The following SETDB1 variants were observed in gnomAD, a reference collection of about 807,000 sequenced individuals.
SETDB1 encodes histone-lysine N-methyltransferase SETDB1.
In SETDB1, 31 loss-of-function variants were observed where a neutral mutation model predicts 137.4. The ratio of observed to expected loss-of-function variants is 0.23; its 90% confidence interval spans 0.17 to 0.30. The LOEUF (loss-of-function observed/expected upper bound fraction) is 0.30. Ranked by LOEUF, SETDB1 falls within the 10% of genes least tolerant of loss-of-function variation. The pLI is 1.00. For missense variants in SETDB1, 1,113 were observed against 1,631.5 expected, an observed-to-expected ratio of 0.68 and a Z score of 5.47; for synonymous variants, 548 against 579.9, an observed-to-expected ratio of 0.95 and a Z score of 0.79.
intron 17 of SETDB1, 124 bp downstream of exon 17, chr1:150,962,282 C>T: frequency 3.4e-6 from 3 of 870,380 alleles, no homozygotes; most frequent in Non-Finnish European, 5.8e-6. Flanking sequence ...GATTCTCCCA[C>T]CTCAGCCTCC....
At position 150,934,637 on chromosome 1, in the gene SETDB1, G is replaced by C. The variant is rs146710001; in HGVS notation, c.412+4519G>C. Among the ~76,000 whole-genome samples, 37 of 152,134 alleles carry C rather than the reference G, an allele frequency of 2.4e-4. No individual in the cohort carries two copies. The East Asian group carries it at 5.8e-3, about 24-fold the overall frequency. ...CAGTCTCATGTTTAAAGAAGGTAAG[G>C]GAAGAAAAGAAAAATATGTATTTAC... is the stretch of plus-strand genomic sequence containing the variant. On this transcript the variant is annotated intron_variant, in intron 3 of 21. Transcript: ENST00000692827.
intron 14 of SETDB1, among the ~76,000 whole-genome samples, chr1:150,957,818 C>G (rs1031347543): frequency 6.6e-6 from 1 of 152,116 alleles, no homozygotes; most frequent in African/African-American, 2.4e-5. Flanking sequence ...ATCTTCTCAC[C>G]TCAGCATCCT....
Position 150,927,856 on chromosome 1 carries a change from C to T in SETDB1, c.142C>T (p.Leu48=). 5.0e-6 allele frequency: 8 copies of T among 1,614,126 alleles called. No individual in the cohort carries two copies. The highest frequency in any genetic ancestry group is 5.9e-6 in the Non-Finnish European group (7 of 1,180,030). The change falls in exon 2 of 22, where the codon CTG becomes TTG. Residue 48 remains leucine, a synonymous_variant. Transcript: ENST00000692827. The part of the protein sequence containing the change: ...EELRHFIDEE[L]EKMDCVQQRK... ...ACTTCGGCATTTCATCGATGAGGAA[C>T]TGGAGAAGATGGATTGTGTACAGCA...
rs370008392 is a variant in SETDB1 at position 150,926,783 on chromosome 1, T to C, written c.-12+266T>C. 22 of 533,348 alleles carry C rather than the reference T, an allele frequency of 4.1e-5. No homozygotes were observed. The African/African-American group carries it at 4.2e-4, about 10-fold the overall frequency. 33.0% of individuals were successfully genotyped at this position (533,348 alleles called of 1,614,324 possible). A position where few individuals can be genotyped will look rare whatever the true frequency, so the allele number is the denominator to read the frequency against. On this transcript the variant is annotated intron_variant, in intron 1 of 21. Transcript: ENST00000692827. ...TAAAAAAGCAGTTCACACGAATGTG[T>C]GAAGTATTTGGATTGTGGATATTAG...
chr1:150,933,679 A>G (rs1028795268), intron 3 of SETDB1, among the ~76,000 whole-genome samples: 9 of 149,814 alleles, frequency 6.0e-5, no homozygotes, highest in East Asian at 2.0e-4. Flanking sequence ...GCCTAGCCCT[A>G]TTTCTTCTTT....
intron 14 of SETDB1, among the ~76,000 whole-genome samples, chr1:150,952,942 AATGTC>A (rs1670534374): frequency 6.6e-6 from 1 of 152,160 alleles, no homozygotes; most frequent in Admixed American, 6.5e-5. Context: ...TCCAAGTAGA[AATGTC>A]AAGAAGACAC....
chr1:150,949,285 G>GT lies in SETDB1; in HGVS notation c.1424+9dup. 1 of 1,613,202 alleles carries GT rather than the reference G, an allele frequency of 6.2e-7. No homozygotes were observed. The highest frequency in any genetic ancestry group is 8.5e-7 in the Non-Finnish European group (1 of 1,179,568). On this transcript the variant is annotated splice_region_variant and intron_variant, in intron 11 of 21. Transcript: ENST00000692827. ...CCCAAGCAGGTGACAGTGAGTGAGT[G>GT]TTATTCTTTCTTTTTCTTCAGTTTC... is the stretch of plus-strand genomic sequence containing the variant.
intron 14 of SETDB1, among the ~76,000 whole-genome samples, chr1:150,952,852 A>C (rs1571652565): frequency 3.9e-5 from 6 of 152,264 alleles, no homozygotes; most frequent in Admixed American, 3.9e-4. Flanking sequence ...GCACCATTGC[A>C]CTCCAGCCTG....
At chr1:150,930,837 A>G (rs920692554) in intron 3 of SETDB1, among the ~76,000 whole-genome samples, 4 of 152,082 alleles carry the variant, frequency 2.6e-5, no homozygotes, top group East Asian at 3.8e-4. Flanking sequence ...CACCCAGCCA[A>G]TTCCTTAGGT....
chr1:150,938,292 T>C (rs1025469698), intron 3 of SETDB1, among the ~76,000 whole-genome samples: 4 of 152,006 alleles, frequency 2.6e-5, no homozygotes, highest in African/African-American at 9.7e-5. Flanking sequence ...AACCGCATAT[T>C]ACATGATTCT....
In SETDB1 at chr1:150,964,396, T is replaced by C. The variant is rs1411384772; in HGVS notation, c.*32T>C. The C allele has an allele frequency of 6.6e-7, 1 of 1,511,852 alleles. No individual in the cohort carries two copies. Among genetic ancestry groups the C allele is most frequent in the East Asian group, 2.3e-5 (1 of 44,178 alleles). 93.7% of individuals were successfully genotyped at this position (1,511,852 alleles called of 1,614,324 possible). On this transcript the variant is annotated 3_prime_UTR_variant, in exon 22 of 22. Transcript: ENST00000692827. The stretch of plus-strand genomic sequence containing the variant: ...GCCTTCTTCCCAACCCTTCTTGAAC[T>C]GTCGTTTCCTCAGGAACTGGGTCTT...
At chr1:150,938,924 C>T (rs1670038892) in intron 3 of SETDB1, among the ~76,000 whole-genome samples, 2 of 151,024 alleles carry the variant, frequency 1.3e-5, no homozygotes, top group East Asian at 3.9e-4. Flanking sequence ...ACCCGAGAGG[C>T]AGAGGTTGCG....
intron 13 of SETDB1, 136 bp from the exon 14 acceptor site, chr1:150,951,229 G>T (rs1670482439): frequency 8.6e-7 from 1 of 1,162,604 alleles, no homozygotes; most frequent in East Asian, 2.3e-5. Context: ...CTGCTATAAG[G>T]CCTCCATGAA....
intron 1 of SETDB1, 27 bp from the exon 2 acceptor site, chr1:150,927,677 A>G (rs370652734): frequency 2.2e-5 from 36 of 1,601,308 alleles, no homozygotes; most frequent in African/African-American, 2.7e-5. Context: ...AAGGACTCCA[A>G]TTTAATTTGT....
At chr1:150,942,825 A>G (rs587646694) in intron 6 of SETDB1, 27 bp from the exon 7 acceptor site, 1 of 1,611,176 alleles carries the variant, frequency 6.2e-7, no homozygotes, top group East Asian at 2.2e-5. Flanking sequence ...CAGTGTTTAA[A>G]AAGATTTATC....
chr1:150,940,583 A>G (rs1020275254), intron 4 of SETDB1, among the ~76,000 whole-genome samples: 2 of 150,816 alleles, frequency 1.3e-5, no homozygotes, highest in African/African-American at 4.9e-5. Context: ...AAAAAAAAAA[A>G]GAGGCTAGGC....
chr1:150,936,561 A>G (rs1260528311), intron 3 of SETDB1, among the ~76,000 whole-genome samples: 3 of 152,188 alleles, frequency 2.0e-5, no homozygotes, highest in African/African-American at 7.2e-5. Flanking sequence ...ACATTTTTTG[A>G]GATTACAGAT....
At chr1:150,953,260 C>T (rs960775954) in intron 14 of SETDB1, among the ~76,000 whole-genome samples, 1 of 152,340 alleles carries the variant, frequency 6.6e-6, no homozygotes, top group East Asian at 1.9e-4. Context: ...CGTGGTGGCT[C>T]ACGCCTGTAA....
Position 150,960,906 on chromosome 1 carries a change from C to T in SETDB1, c.2847C>T (p.His949=). The T allele has an allele frequency of 1.2e-6, 2 of 1,611,056 alleles. No individual in the cohort carries two copies. The highest frequency in any genetic ancestry group is 1.7e-6 in the Non-Finnish European group (2 of 1,178,176). Residue 949 remains histidine, a synonymous_variant, in exon 16 of 22, where the codon CAC becomes CAT. Coordinates refer to ENST00000692827, the MANE Select transcript of SETDB1 (RefSeq NM_001366418.1). The part of the protein sequence containing the change: ...GLSETTSKDS[H]PPDLGPPHIP... ...CTGAGACAACTTCCAAGGACTCCCA[C>T]CCCCCAGATCTTGGACCCCCACATA... is the stretch of plus-strand genomic sequence containing the variant.
Sources: allele counts gnomAD v4.1 joint callset (sites outside exome capture counted in the v4.1 genomes callset), GRCh38; gene constraint gnomAD v4.1.1; transcripts MANE v1.5; gene names NCBI Gene and HGNC (gene_info 2026-07-23, HGNC 2026-07-21).